GOLGA8O: variants seen among roughly 807,000 people sequenced by gnomAD.
The protein encoded by GOLGA8O is golgin A8 family member O, also known as golgin subfamily A member 8O.
GOLGA8O carries 4 observed loss-of-function variants against 29.7 expected under a neutral mutation model. The ratio of observed to expected loss-of-function variants is 0.13; its 90% CI spans 0.07 to 0.31. GOLGA8O has a LOEUF of 0.31. Ranked by LOEUF, GOLGA8O falls within the 10% of genes least tolerant of loss-of-function variation. The pLI is 1.00. For missense variants in GOLGA8O, 32 were observed against 216.5 expected, an observed-to-expected ratio of 0.15 and a Z score of 5.35; for synonymous variants, 6 against 78.0, an observed-to-expected ratio of 0.08 and a Z score of 4.87.
rs746943568 is a variant in GOLGA8O at position 32,451,554 on chromosome 15, C to T, written c.348+47G>A. On this transcript the variant is annotated intron_variant, in intron 5 of 18. Coordinates refer to ENST00000509311, the MANE Select transcript of GOLGA8O (RefSeq NM_001277308.1). ...AGACTGGGGCCTGTATGTCTGAGTG[C>T]CCCCCAAACCCAGCAGTCATGTCGC... The T allele has an allele frequency of 1.0e-4, 160 of 1,593,370 alleles. 7 individuals carry two copies. In the East Asian group the frequency reaches 2.8e-3, roughly 27 times the overall value.
At position 32,445,651 on chromosome 15, in the gene GOLGA8O, GTCC is replaced by G; in HGVS notation, c.1531_1533del (p.Gly511del). ...CCTCCCTGAGCTCCAGCCTGATGGTGTCCTCCTCCCAGTGCTGCATCTTTGGCA... is the reference window on the plus strand; with the variant it reads ...CCTCCCTGAGCTCCAGCCTGATGGTGTCCTCCCAGTGCTGCATCTTTGGCA... On this transcript the variant is annotated inframe_deletion, in exon 17 of 19. Coordinates refer to ENST00000509311, the MANE Select transcript of GOLGA8O (RefSeq NM_001277308.1). The G allele has an allele frequency of 1.7e-6, 1 of 574,108 alleles. No individual in the cohort carries two copies. The highest frequency in any genetic ancestry group is 2.5e-6 in the Non-Finnish European group (1 of 397,418). The allele number at this position is 574,108 out of a possible 1,614,324, so 35.6% of individuals were successfully genotyped here. A position where few individuals can be genotyped will look rare whatever the true frequency, so the allele number is the denominator to read the frequency against.
intron 4 of GOLGA8O, 74 bp from the exon 5 acceptor site, chr15:32,451,713 C>A: frequency 2.5e-6 from 3 of 1,190,578 alleles, no homozygotes; most frequent in East Asian, 5.2e-5. Context: ...AAGCGGTAGG[C>A]AGGGGCCAGG....
At chr15:32,458,665 G>T (rs1595694993), upstream of GOLGA8O, among the ~76,000 whole-genome samples, 1 of 104,696 alleles carries the variant, frequency 9.6e-6, no homozygotes, top group Non-Finnish European at 2.0e-5. Context: ...TTTGAGACAG[G>T]GTCTTGCTCT....
upstream of GOLGA8O, chr15:32,455,813 CA>C (rs1278739902): frequency 8.0e-6 from 1 of 124,442 alleles, no homozygotes; most frequent in Non-Finnish European, 1.7e-5. Context: ...CCGCTCTCCC[CA>C]CCCACTCTAA....
At chr15:32,458,845 C>A (rs2055208587), upstream of GOLGA8O, among the ~76,000 whole-genome samples, 1 of 93,826 alleles carries the variant, frequency 1.1e-5, no homozygotes, top group African/African-American at 5.1e-5. Flanking sequence ...TGGGGTCTCA[C>A]TATGTTGCCC....
upstream of GOLGA8O, among the ~76,000 whole-genome samples, chr15:32,459,271 C>A (rs1595695259): frequency 1.1e-4 from 6 of 55,896 alleles, no homozygotes; most frequent in East Asian, 6.1e-4. Flanking sequence ...CCAGCCTAGG[C>A]AACAAGAGCG....
At chr15:32,450,192 G>A (rs1244996605) in intron 8 of GOLGA8O, among the ~76,000 whole-genome samples, 1 of 42,610 alleles carries the variant, frequency 2.3e-5, no homozygotes, top group Non-Finnish European at 4.2e-5. Context: ...CACCATAGGA[G>A]ACAGTTACTA....
chr15:32,450,681 C>A (rs1236511526), intron 8 of GOLGA8O, among the ~76,000 whole-genome samples: 1 of 152,132 alleles, frequency 6.6e-6, no homozygotes, highest in East Asian at 1.9e-4. Context: ...GCGGGGCAGG[C>A]ACTTGGCCTC....
At chr15:32,455,287 G>T (rs2055176548) in intron 1 of GOLGA8O, among the ~76,000 whole-genome samples, 1 of 91,506 alleles carries the variant, frequency 1.1e-5, no homozygotes, top group African/African-American at 5.1e-5. Context: ...GTCACCCTGG[G>T]GTGATTGGCG....
At chr15:32,454,471 A>AT (rs1367865052) in intron 1 of GOLGA8O, among the ~76,000 whole-genome samples, 11 of 146,462 alleles carry the variant, frequency 7.5e-5, no homozygotes, top group Non-Finnish European at 7.4e-5. Context: ...TATGAGGAAG[A>AT]TTCAAGGTGT....
rs1172878157 is a variant in GOLGA8O, at chr15:32,452,634, C to T, written c.229-63G>A. On this transcript the variant is annotated intron_variant, in intron 3 of 18. Coordinates refer to ENST00000509311, the MANE Select transcript of GOLGA8O (RefSeq NM_001277308.1). The stretch of plus-strand genomic sequence containing the variant: ...TGGGGGGAGAGGTAGAGAGAATGAT[C>T]GTTAGGGCTGGGGTGTGTGGGCTGT... 4.8e-5 allele frequency: 19 copies of T among 393,510 alleles called. 1 individual carries two copies. The East Asian group carries it at 6.0e-4, about 12-fold the overall frequency. 24.4% of individuals were successfully genotyped at this position (393,510 alleles called of 1,614,324 possible). A position where few individuals can be genotyped will look rare whatever the true frequency, so the allele number is the denominator to read the frequency against.
At chr15:32,458,412 C>T (rs1302763142), upstream of GOLGA8O, among the ~76,000 whole-genome samples, 2 of 100,340 alleles carry the variant, frequency 2.0e-5, no homozygotes, top group Non-Finnish European at 4.1e-5. Flanking sequence ...TCTCCTTAAA[C>T]AGAACCCAAG....
intron 8 of GOLGA8O, among the ~76,000 whole-genome samples, chr15:32,450,480 C>A (rs1448703123): frequency 7.0e-6 from 1 of 143,758 alleles, no homozygotes; most frequent in Non-Finnish European, 1.5e-5. Context: ...TTTTTATGAA[C>A]CCTTGCAGAC....
intron 8 of GOLGA8O, among the ~76,000 whole-genome samples, chr15:32,450,220 G>C (rs1382498738): frequency 1.1e-3 from 74 of 69,902 alleles, no homozygotes; most frequent in African/African-American, 4.3e-3. Context: ...CTCTATTGTG[G>C]AGATGAAAAA....
At chr15:32,458,715 A>C (rs1260258077), upstream of GOLGA8O, among the ~76,000 whole-genome samples, 1 of 111,530 alleles carries the variant, frequency 9.0e-6, no homozygotes, top group African/African-American at 3.9e-5. Context: ...TGGCATGATC[A>C]GAGCTCACTG....
At position 32,446,512 on chromosome 15, in the gene GOLGA8O, G is replaced by C. The variant is rs900870250; in HGVS notation, c.1330C>G (p.Pro444Ala). 6.3e-7 allele frequency: 1 copy of C among 1,584,526 alleles called. No homozygotes were observed. Among genetic ancestry groups the C allele is most frequent in the African/African-American group, 1.5e-5 (1 of 68,888 alleles). ...CTCTCCGGGTCCTCTGGGACACTCG[G>C]CATGGGCCGAGGTGCCTCCTCCCCC... ...SEGEEAPRPM[P>A]SVPEDPESRE... Residue 444 changes from proline (P) to alanine (A), a missense_variant, in exon 15 of 19, where the codon CCG becomes GCG. Physicochemically the swap from Pro to Ala is conservative, Grantham distance 27. Transcript: ENST00000509311.
rs2055060578 is a variant in GOLGA8O at position 32,444,426 on chromosome 15, ACT to A, written c.*678_*679del. On this transcript the variant is annotated 3_prime_UTR_variant, in exon 19 of 19. Transcript: ENST00000509311. The stretch of plus-strand genomic sequence containing the variant: ...CCTGGCACCGGAAGAGATGAAACAC[ACT>A]CTATCTTGCACATACCTGCCAGAGG... 8.0e-6 allele frequency among the ~76,000 whole-genome samples: 1 copy of A among 125,488 alleles called. No homozygotes were observed. The highest frequency in any genetic ancestry group is 3.0e-4 in the South Asian group (1 of 3,344). The allele number at this position is 125,488 out of a possible 152,430, so 82.3% of individuals were successfully genotyped here.
At chr15:32,445,739 T>G (rs199852614) in intron 16 of GOLGA8O, 24 bp from the exon 17 acceptor site, 12,624 of 843,956 alleles carry the variant, frequency 0.015, 724 homozygotes, top group Non-Finnish European at 0.017. Context: ...GGGCTCAGAT[T>G]CTGGGGCCCC....
At chr15:32,451,546 T>C in intron 5 of GOLGA8O, 55 bp downstream of exon 5, 2 of 1,595,370 alleles carry the variant, frequency 1.3e-6, no homozygotes, top group Non-Finnish European at 1.7e-6. Context: ...GGCCTGTATG[T>C]CTGAGTGCCC....
Sources: gnomAD v4.1 joint callset for allele counts (sites outside exome capture counted in the v4.1 genomes callset) on GRCh38, gnomAD v4.1.1 for gene constraint, MANE v1.5 for transcripts, NCBI Gene and HGNC (gene_info 2026-07-23, HGNC 2026-07-21) for gene names.